The following TNFRSF10B variants were observed in gnomAD, a reference collection of about 807,000 sequenced individuals.
TNFRSF10B encodes the protein tumor necrosis factor receptor superfamily member 10B.
A neutral mutation model predicts 41.4 loss-of-function variants in TNFRSF10B; 35 were observed. The ratio of observed to expected loss-of-function variants is 0.85; its 90% CI spans 0.65 to 1.12. TNFRSF10B has a LOEUF of 1.12. Among genes scored for constraint, TNFRSF10B ranks in the 50% most tolerant of loss-of-function variants. The pLI is 0.00. For synonymous variants in TNFRSF10B, 230 were observed against 215.5 expected (o/e 1.07, Z -0.59); for missense variants, 584 against 552.7 (o/e 1.06, Z -0.57).
At chr8:23,042,065 C>T (rs977365615) in intron 2 of TNFRSF10B, among the ~76,000 whole-genome samples, 15 of 152,162 alleles carry the variant, frequency 9.9e-5, no homozygotes, top group African/African-American at 2.4e-4. Flanking sequence ...TTTGGTGCCT[C>T]GATTGTCCTC....
intron 2 of TNFRSF10B, among the ~76,000 whole-genome samples, chr8:23,041,326 G>A (rs1812195372): frequency 1.3e-5 from 2 of 151,876 alleles, no homozygotes; most frequent in South Asian, 4.2e-4. Flanking sequence ...CGAAGTGCTG[G>A]GATTACAGGT....
In TNFRSF10B at chr8:23,040,255, T is replaced by C. The variant is rs943644655; in HGVS notation, c.250+2883A>G. Among the ~76,000 whole-genome samples the C allele has an allele frequency of 3.4e-4, 48 of 141,596 alleles. 5 individuals are homozygous for C. The highest frequency in any genetic ancestry group is 1.2e-3 in the African/African-American group (45 of 37,182). The allele number at this position is 141,596 out of a possible 152,430, so 92.9% of individuals were successfully genotyped here. ...TATATACTAAGTATATATTTAAATA[T>C]ATATTTATTAAATATATATATAATA... is the stretch of plus-strand genomic sequence containing the variant. On this transcript the variant is annotated intron_variant, in intron 2 of 8. Transcript: ENST00000276431.
chr8:23,059,381 T>C (rs1212201818), intron 1 of TNFRSF10B, among the ~76,000 whole-genome samples: 3 of 152,264 alleles, frequency 2.0e-5, no homozygotes, highest in Non-Finnish European at 4.4e-5. Context: ...CATCTGCTAA[T>C]CCTGTTTTTA....
chr8:23,020,734 G>T lies in TNFRSF10B; in HGVS notation c.*1937C>A, dbSNP rs552131769. 1 of 454,002 alleles carries T rather than the reference G, an allele frequency of 2.2e-6. No individual in the cohort carries two copies. Among genetic ancestry groups the T allele is most frequent in the African/African-American group, 2.0e-5 (1 of 50,080 alleles). The allele number at this position is 454,002 out of a possible 1,614,324, so 28.1% of individuals were successfully genotyped here. ...AAGAAAAATCTTAAACACTGATAAG[G>T]CTGACACTCTAGATGCATCTTCTAG... is the stretch of plus-strand genomic sequence containing the variant. On this transcript the variant is annotated 3_prime_UTR_variant, in exon 9 of 9. Coordinates refer to ENST00000276431, the MANE Select transcript of TNFRSF10B (RefSeq NM_003842.5).
At chr8:23,034,752 C>G (rs1392435116) in intron 2 of TNFRSF10B, among the ~76,000 whole-genome samples, 68 of 152,222 alleles carry the variant, frequency 4.5e-4, no homozygotes. Context: ...AAAAGCAATA[C>G]AACATTCCTG....
rs1007271311 is a variant in TNFRSF10B at position 23,020,547 on chromosome 8, C to A, written c.*2124G>T. 4 of 445,552 alleles carry A rather than the reference C, an allele frequency of 9.0e-6. No individual in the cohort carries two copies. Among genetic ancestry groups the A allele is most frequent in the Admixed American group, 2.4e-5 (1 of 41,744 alleles). The allele number at this position is 445,552 out of a possible 1,614,324, so 27.6% of individuals were successfully genotyped here. A position where few individuals can be genotyped will look rare whatever the true frequency, so the allele number is the denominator to read the frequency against. ...TCTCTACTAAAAATACAAAAATTAG[C>A]CAGGCGTGGTGGCGGGTGCCTGCAA... On this transcript the variant is annotated 3_prime_UTR_variant, in exon 9 of 9. Transcript: ENST00000276431.
chr8:23,020,170 T>A lies in TNFRSF10B; in HGVS notation c.*2501A>T, dbSNP rs766812763. 89 of 417,526 alleles carry A rather than the reference T, an allele frequency of 2.1e-4. No homozygotes were observed. The highest frequency in any genetic ancestry group is 1.8e-3 in the African/African-American group (87 of 48,496). 25.9% of individuals were successfully genotyped at this position (417,526 alleles called of 1,614,324 possible). Reference sequence around the variant, plus strand: ...GTTTCATATTTAATTTGGTCATGGATTCATAAATACATAAGTATTTTGTAC... The same window carrying A: ...GTTTCATATTTAATTTGGTCATGGAATCATAAATACATAAGTATTTTGTAC... On this transcript the variant is annotated 3_prime_UTR_variant, in exon 9 of 9. Coordinates refer to ENST00000276431, the MANE Select transcript of TNFRSF10B (RefSeq NM_003842.5).
chr8:23,059,334 T>C, intron 1 of TNFRSF10B, among the ~76,000 whole-genome samples: 1 of 152,238 alleles, frequency 6.6e-6, no homozygotes. Flanking sequence ...TGCTTTCAAT[T>C]CTTTTGGACG....
At chr8:23,023,093 G>A in intron 8 of TNFRSF10B, 109 bp from the exon 9 acceptor site, 1 of 1,404,516 alleles carries the variant, frequency 7.1e-7, no homozygotes, top group Non-Finnish European at 9.7e-7. Context: ...AGCCCCGTGT[G>A]CGGGCAAACC....
At chr8:23,041,346 T>C (rs10111984) in intron 2 of TNFRSF10B, among the ~76,000 whole-genome samples, 36,858 of 151,192 alleles carry the variant, frequency 0.24, 5,008 homozygotes, top group East Asian at 0.61. Context: ...TGTGAGTCAC[T>C]GCGCCCGGCG....
intron 2 of TNFRSF10B, among the ~76,000 whole-genome samples, chr8:23,031,375 C>CTATTTATT (rs61141147): frequency 0.17 from 24,165 of 140,410 alleles, 2,272 homozygotes; most frequent in Middle Eastern, 0.23. Flanking sequence ...TGCACCCGGC[C>CTATTTATT]TATTTATTTA....
intron 1 of TNFRSF10B, among the ~76,000 whole-genome samples, chr8:23,049,538 G>C (rs902831790): frequency 6.6e-6 from 1 of 152,158 alleles, no homozygotes; most frequent in African/African-American, 2.4e-5. Context: ...CCAGAGGAAG[G>C]TCTTCAGGAC....
chr8:23,023,041 G>A, intron 8 of TNFRSF10B, 57 bp from the exon 9 acceptor site: 1 of 1,590,392 alleles, frequency 6.3e-7, no homozygotes, highest in Non-Finnish European at 8.5e-7. Context: ...AAGGGCAGAG[G>A]ATTCCACATC....
At chr8:23,027,580 A>T in intron 6 of TNFRSF10B, 142 bp downstream of exon 6, 1 of 1,158,198 alleles carries the variant, frequency 8.6e-7, no homozygotes, top group Non-Finnish European at 1.2e-6. Flanking sequence ...TGTGTCCCCC[A>T]CAGTCAGCCC....
rs1421825615 is a variant in TNFRSF10B, at chr8:23,021,141, T to C, written c.*1530A>G. ...AATGATCCTTCCATGACTGAAATACTATGGAGAAGGGTTTGCTGGAAAGAG... is the reference window on the plus strand; with the variant it reads ...AATGATCCTTCCATGACTGAAATACCATGGAGAAGGGTTTGCTGGAAAGAG... On this transcript the variant is annotated 3_prime_UTR_variant, in exon 9 of 9. Transcript: ENST00000276431. 1 of 453,978 alleles carries C rather than the reference T, an allele frequency of 2.2e-6. No individual in the cohort carries two copies. Among genetic ancestry groups the C allele is most frequent in the African/African-American group, 2.0e-5 (1 of 49,998 alleles). The allele number at this position is 453,978 out of a possible 1,614,324, so 28.1% of individuals were successfully genotyped here. A position where few individuals can be genotyped will look rare whatever the true frequency, so the allele number is the denominator to read the frequency against.
rs1811520816 is a variant in TNFRSF10B, at chr8:23,021,520, T to G, written c.*1151A>C. The G allele has an allele frequency of 2.2e-6, 1 of 454,038 alleles. No individual in the cohort carries two copies. 28.1% of individuals were successfully genotyped at this position (454,038 alleles called of 1,614,324 possible). On this transcript the variant is annotated 3_prime_UTR_variant, in exon 9 of 9. Coordinates refer to ENST00000276431, the MANE Select transcript of TNFRSF10B (RefSeq NM_003842.5). Reference sequence around the variant, plus strand: ...TCCTGAGCCCAAACAGGGCTCAAGTTCACTTGGGATATGACATAGACCCTA... The same window carrying G: ...TCCTGAGCCCAAACAGGGCTCAAGTGCACTTGGGATATGACATAGACCCTA...
intron 1 of TNFRSF10B, among the ~76,000 whole-genome samples, chr8:23,060,717 G>A (rs1812808309): frequency 6.6e-6 from 1 of 152,134 alleles, no homozygotes; most frequent in Non-Finnish European, 1.5e-5. Flanking sequence ...TGAATGTATA[G>A]ATCACTTTAG....
In TNFRSF10B at chr8:23,045,027, C is replaced by T. The variant is rs1000057712; in HGVS notation, c.145-1784G>A. Reference sequence around the variant, plus strand: ...GGCCAGGAGTTGGAGACCAGCCTGGCCAACATGGCAAAACCTCGTCCCTAA... The same window carrying T: ...GGCCAGGAGTTGGAGACCAGCCTGGTCAACATGGCAAAACCTCGTCCCTAA... On this transcript the variant is annotated intron_variant, in intron 1 of 8. Transcript: ENST00000276431. 4.4e-5 allele frequency among the ~76,000 whole-genome samples: 6 copies of T among 136,368 alleles called. 1 individual carries two copies. In the Admixed American group the frequency reaches 5.0e-4, roughly 11 times the overall value. 89.5% of individuals were successfully genotyped at this position (136,368 alleles called of 152,430 possible). A position where few individuals can be genotyped will look rare whatever the true frequency, so the allele number is the denominator to read the frequency against.
intron 2 of TNFRSF10B, among the ~76,000 whole-genome samples, chr8:23,041,802 C>T (rs914608853): frequency 7.9e-5 from 12 of 152,118 alleles, no homozygotes; most frequent in Middle Eastern, 3.2e-3. Flanking sequence ...AGGGCCATCT[C>T]TCCTCTAGGA....
Sources: gnomAD v4.1 joint callset for allele counts (sites outside exome capture counted in the v4.1 genomes callset) on GRCh38, gnomAD v4.1.1 for gene constraint, MANE v1.5 for transcripts, NCBI Gene and HGNC (gene_info 2026-07-23, HGNC 2026-07-21) for gene names.